Variants in ANO4 observed in about 807,000 individuals in gnomAD.
ANO4 encodes the protein anoctamin-4.
In ANO4, 69 loss-of-function variants were observed where a neutral mutation model predicts 141.9. The observed-to-expected ratio is 0.49, with a 90% CI of 0.40 to 0.59. The LOEUF is 0.59. ANO4 is among the 20% of genes least tolerant of loss of function. The pLI, the probability that ANO4 is intolerant of heterozygous loss-of-function variation, is 0.00. For missense variants in ANO4, 894 were observed against 1,162.2 expected (o/e 0.77, Z 3.36); for synonymous variants, 350 against 394.3 (o/e 0.89, Z 1.33).
intron 5 of ANO4, among the ~76,000 whole-genome samples, chr12:100,957,798 A>T (rs541046961): frequency 6.6e-6 from 1 of 152,220 alleles, no homozygotes; most frequent in African/African-American, 2.4e-5. Flanking sequence ...GAACTAAATG[A>T]TAATATTTTC....
intron 1 of ANO4, among the ~76,000 whole-genome samples, chr12:100,796,576 G>A (rs1313315902): frequency 6.6e-6 from 1 of 151,374 alleles, no homozygotes; most frequent in African/African-American, 2.4e-5. Context: ...ATTTGTAGAT[G>A]TTTACATGTT....
chr12:101,070,548 C>T lies in ANO4; in HGVS notation c.1313-8645C>T, dbSNP rs183309872. Among the ~76,000 whole-genome samples the T allele has an allele frequency of 1.1e-4, 17 of 152,154 alleles. No homozygotes were observed. In the East Asian group the frequency reaches 2.7e-3, roughly 24 times the overall value. On this transcript the variant is annotated intron_variant, in intron 14 of 27. Transcript: ENST00000392977. The stretch of plus-strand genomic sequence containing the variant: ...GATTAAAGACTTGAATATAAAACCT[C>T]GAACTATGAAACTACTAAAAAAAAG...
intron 10 of ANO4, among the ~76,000 whole-genome samples, chr12:101,039,467 T>C (rs1276884712): frequency 1.3e-5 from 2 of 152,150 alleles, no homozygotes; most frequent in African/African-American, 2.4e-5. Context: ...ATTGCGCCAC[T>C]GCACTCCAGC....
intron 1 of ANO4, among the ~76,000 whole-genome samples, chr12:100,835,369 CAG>C (rs942337342): frequency 6.6e-6 from 1 of 152,050 alleles, no homozygotes; most frequent in African/African-American, 2.4e-5. Flanking sequence ...TAATCACAGA[CAG>C]AGGAGGCTTA....
intron 1 of ANO4, among the ~76,000 whole-genome samples, chr12:100,900,525 C>G (rs1338144841): frequency 6.9e-6 from 1 of 144,332 alleles, no homozygotes; most frequent in Non-Finnish European, 1.5e-5. Context: ...TTGTTCAGTT[C>G]CCACCTATGA....
intron 8 of ANO4, among the ~76,000 whole-genome samples, chr12:100,996,146 T>C (rs563096364): frequency 6.6e-6 from 1 of 152,362 alleles, no homozygotes; most frequent in African/African-American, 2.4e-5. Flanking sequence ...TCACATCTGA[T>C]ACTAAGATAT....
At chr12:101,048,285 G>A in intron 13 of ANO4, 56 bp from the exon 14 acceptor site, 1 of 1,561,708 alleles carries the variant, frequency 6.4e-7, no homozygotes, top group Non-Finnish European at 8.8e-7. Flanking sequence ...GAAAAAATTT[G>A]AATTGGAATA....
chr12:101,125,344 T>TATC (rs1374302731), intron 26 of ANO4, among the ~76,000 whole-genome samples: 1 of 152,178 alleles, frequency 6.6e-6, no homozygotes. Flanking sequence ...TGAAGTTGCT[T>TATC]ATCAGCTTAA....
At chr12:100,788,640 G>A (rs749489932) in intron 3 of ANO4, among the ~76,000 whole-genome samples, 2 of 152,174 alleles carry the variant, frequency 1.3e-5, no homozygotes, top group African/African-American at 2.4e-5. Flanking sequence ...TAGAGAACAT[G>A]GGAACAGTTG....
intron 8 of ANO4, among the ~76,000 whole-genome samples, chr12:101,003,829 C>A (rs1177433047): frequency 1.3e-5 from 2 of 152,026 alleles, no homozygotes; most frequent in Non-Finnish European, 2.9e-5. Flanking sequence ...GTTCTGAACA[C>A]CTAGCATATT....
At chr12:100,722,826 T>C (rs2030929373) in intron 1 of ANO4, among the ~76,000 whole-genome samples, 1 of 152,098 alleles carries the variant, frequency 6.6e-6, no homozygotes, top group Non-Finnish European at 1.5e-5. Flanking sequence ...CTTTTTCCTA[T>C]TGCAAATAAT....
At chr12:100,853,312 T>C (rs1018292913) in intron 1 of ANO4, among the ~76,000 whole-genome samples, 4 of 152,128 alleles carry the variant, frequency 2.6e-5, no homozygotes, top group African/African-American at 9.7e-5. Flanking sequence ...AATTTACCAT[T>C]CTTTTATTGT....
chr12:100,813,896 T>TTTTTG (rs914918424), intron 1 of ANO4, among the ~76,000 whole-genome samples: 28 of 152,124 alleles, frequency 1.8e-4, no homozygotes, highest in African/African-American at 6.0e-4. Flanking sequence ...GATACATAGC[T>TTTTTG]TTTTGTTTTG....
chr12:100,985,387 G>C (rs1201786553), intron 7 of ANO4, among the ~76,000 whole-genome samples: 2 of 152,186 alleles, frequency 1.3e-5, no homozygotes, highest in Non-Finnish European at 2.9e-5. Flanking sequence ...ATACCAGACA[G>C]TTCTAAAGAC....
rs543529853 is a variant in ANO4, at chr12:100,858,453, A to G, written c.-140-43193A>G. 3.3e-5 allele frequency among the ~76,000 whole-genome samples: 5 copies of G among 152,300 alleles called. No individual in the cohort carries two copies. In the South Asian group the frequency reaches 1.0e-3, roughly 32 times the overall value. ...TAAAACTGTAGGCCTCATACCAAAT[A>G]GAGAAGATTGGCAATATCTATATGT... On this transcript the variant is annotated intron_variant, in intron 1 of 27. Transcript: ENST00000392977.
At chr12:100,885,915 G>C (rs1417793186) in intron 1 of ANO4, among the ~76,000 whole-genome samples, 1 of 152,118 alleles carries the variant, frequency 6.6e-6, no homozygotes, top group Admixed American at 6.6e-5. Flanking sequence ...TTTTTGTTTG[G>C]ATGTCCCAGG....
At chr12:101,043,476 G>A in intron 12 of ANO4, 63 bp from the exon 13 acceptor site, 8 of 1,224,380 alleles carry the variant, frequency 6.5e-6, no homozygotes, top group East Asian at 2.3e-5. Context: ...TGAACATTCT[G>A]GTGAAGTTAG....
At chr12:101,039,151 C>T (rs935303986) in intron 10 of ANO4, 4 of 152,116 alleles carry the variant, frequency 2.6e-5, no homozygotes, top group African/African-American at 9.7e-5. Flanking sequence ...ATTTTCTTGT[C>T]GATAACATTG....
chr12:100,947,486 A>G (rs1280696335), intron 5 of ANO4, among the ~76,000 whole-genome samples: 1 of 152,196 alleles, frequency 6.6e-6, no homozygotes, highest in African/African-American at 2.4e-5. Context: ...CATTGCTTCC[A>G]AAAGAGATAA....
Sources: gnomAD v4.1 joint callset for allele counts (sites outside exome capture counted in the v4.1 genomes callset) on GRCh38, gnomAD v4.1.1 for gene constraint, MANE v1.5 for transcripts, NCBI Gene and HGNC (gene_info 2026-07-23, HGNC 2026-07-21) for gene names.